The following FAM53B variants were observed in gnomAD, a reference collection of about 807,000 sequenced individuals.
FAM53B encodes the protein family with sequence similarity 53 member B.
A neutral mutation model predicts 32.7 loss-of-function variants in FAM53B; 12 were observed. That is an observed-to-expected ratio of 0.37 (90% CI 0.24 to 0.59). FAM53B has a LOEUF of 0.59. FAM53B is among the 20% of genes least tolerant of loss of function. The probability of loss-of-function intolerance (pLI) is 0.72; values close to 1 mark genes in which losing one functional copy is unlikely to be tolerated. For missense variants in FAM53B, 477 were observed against 577.7 expected (o/e 0.83, Z 1.79); for synonymous variants, 234 against 228.7 (o/e 1.02, Z -0.21).
chr10:124,741,408 G>A (rs1307064717), intron 1 of FAM53B, among the ~76,000 whole-genome samples: 1 of 152,224 alleles, frequency 6.6e-6, no homozygotes, highest in African/African-American at 2.4e-5. Flanking sequence ...AGTCTTCAGG[G>A]CCCAAGGCAT....
chr10:124,743,536 T>G (rs1479032662), intron 1 of FAM53B, among the ~76,000 whole-genome samples: 2 of 152,046 alleles, frequency 1.3e-5, no homozygotes, highest in Non-Finnish European at 2.9e-5. Context: ...GGTGCAAACT[T>G]CCGCGAACAA....
intron 4 of FAM53B, among the ~76,000 whole-genome samples, chr10:124,659,437 G>A (rs1358677895): frequency 2.0e-5 from 3 of 152,208 alleles, no homozygotes; most frequent in African/African-American, 7.2e-5. Flanking sequence ...AGTGGTCTTG[G>A]TTACAGTAAG....
intron 1 of FAM53B, among the ~76,000 whole-genome samples, chr10:124,735,507 G>A (rs1950168097): frequency 6.6e-6 from 1 of 152,198 alleles, no homozygotes. Context: ...TCTGAGAGAG[G>A]AAGATGCTGG....
chr10:124,733,191 C>T lies in FAM53B; in HGVS notation c.-175+10822G>A, dbSNP rs1043880186. On this transcript the variant is annotated intron_variant, in intron 1 of 4. Transcript: ENST00000337318. This position sits in a 1 kb window ranked among gnomAD's most constrained non-coding sequence, Gnocchi z 4.3. ...CTACCAGCCTTGGAAAACACACCCC[C>T]CAAAGCTAAGATGGGCTGCTAACTG... Among the ~76,000 whole-genome samples the T allele has an allele frequency of 1.3e-4, 20 of 152,334 alleles. No homozygotes were observed. The highest frequency in any genetic ancestry group is 4.8e-4 in the African/African-American group (20 of 41,582).
intron 4 of FAM53B, among the ~76,000 whole-genome samples, chr10:124,657,315 C>G (rs1472276679): frequency 1.3e-5 from 2 of 151,842 alleles, no homozygotes; most frequent in African/African-American, 4.8e-5. Context: ...TTTCTTTCCC[C>G]TTTTTAAAGC....
chr10:124,706,803 T>C lies in FAM53B; in HGVS notation c.-90A>G, dbSNP rs533926560. 9.7e-5 allele frequency: 155 copies of C among 1,594,840 alleles called. No individual in the cohort carries two copies. Among genetic ancestry groups the C allele is most frequent in the East Asian group, 5.6e-4 (25 of 44,338 alleles). On this transcript the variant is annotated 5_prime_UTR_variant, in exon 2 of 5. Transcript: ENST00000337318. ...CTTGGGGTGAGTACCTCCTGGGGAA[T>C]TGATGTCAGCAGAAACAGCTCCCCA...
intron 1 of FAM53B, among the ~76,000 whole-genome samples, chr10:124,727,782 C>T (rs1377994542): frequency 6.6e-6 from 1 of 152,072 alleles, no homozygotes; most frequent in Non-Finnish European, 1.5e-5. Context: ...CCTGGCCCAC[C>T]GTGGACGGCT....
In FAM53B at chr10:124,662,461, CCCATCCATCCATCCAT is replaced by C. The variant is rs79363634; in HGVS notation, c.906+19130_906+19145del. Among the ~76,000 whole-genome samples, 636 of 119,884 alleles carry C rather than the reference CCCATCCATCCATCCAT, an allele frequency of 5.3e-3. 13 individuals carry two copies. Among genetic ancestry groups the C allele is most frequent in the African/African-American group, 0.012 (422 of 34,676 alleles). 78.6% of individuals were successfully genotyped at this position (119,884 alleles called of 152,430 possible). A position where few individuals can be genotyped will look rare whatever the true frequency, so the allele number is the denominator to read the frequency against. On this transcript the variant is annotated intron_variant, in intron 4 of 4. Transcript: ENST00000337318. ...ATCCACCCACCCACACACCCACCCA[CCCATCCATCCATCCAT>C]CCATCCATCCATCCATCCATCCATC...
intron 3 of FAM53B, among the ~76,000 whole-genome samples, chr10:124,683,034 T>TAA (rs1443939053): frequency 2.0e-5 from 3 of 152,226 alleles, no homozygotes; most frequent in African/African-American, 7.2e-5. Context: ...TCACAGCACT[T>TAA]TCTCTGTGTT....
At chr10:124,677,065 T>TG (rs1474249482) in intron 4 of FAM53B, among the ~76,000 whole-genome samples, 2 of 152,190 alleles carry the variant, frequency 1.3e-5, no homozygotes, top group South Asian at 2.1e-4. Flanking sequence ...CTGACCAGCT[T>TG]GGAGTTAAAA....
At chr10:124,728,380 A>G (rs931332886) in intron 1 of FAM53B, among the ~76,000 whole-genome samples, 1 of 152,212 alleles carries the variant, frequency 6.6e-6, no homozygotes, top group Admixed American at 6.5e-5. Context: ...CATTATCTGA[A>G]GTACAGCAGA....
At chr10:124,699,904 T>C (rs1264662825) in intron 2 of FAM53B, among the ~76,000 whole-genome samples, 1 of 152,208 alleles carries the variant, frequency 6.6e-6, no homozygotes, top group Non-Finnish European at 1.5e-5. Context: ...GAGGCCCGAC[T>C]GGCCCCCTCC....
chr10:124,660,199 C>T (rs553323748), intron 4 of FAM53B, among the ~76,000 whole-genome samples: 2 of 152,138 alleles, frequency 1.3e-5, no homozygotes, highest in South Asian at 2.1e-4. Context: ...CCATATGGAG[C>T]GGAAGAGCCC....
chr10:124,645,910 C>T (rs761365570), intron 4 of FAM53B, among the ~76,000 whole-genome samples: 14 of 152,214 alleles, frequency 9.2e-5, no homozygotes, highest in Admixed American at 6.5e-4. Context: ...CCCAGCTCCA[C>T]CCCACACTGC....
intron 4 of FAM53B, among the ~76,000 whole-genome samples, chr10:124,628,673 C>T (rs563266334): frequency 6.6e-6 from 1 of 152,354 alleles, no homozygotes; most frequent in Non-Finnish European, 1.5e-5. Flanking sequence ...TGAGTGTTGG[C>T]TCTGACAGTT....
chr10:124,734,188 C>T (rs1051765511), intron 1 of FAM53B, among the ~76,000 whole-genome samples: 1 of 152,226 alleles, frequency 6.6e-6, no homozygotes, highest in African/African-American at 2.4e-5. Flanking sequence ...GTGTCTAGCA[C>T]ATAGTAGAAC....
intron 4 of FAM53B, among the ~76,000 whole-genome samples, chr10:124,652,458 G>A (rs976144674): frequency 3.3e-5 from 5 of 152,098 alleles, no homozygotes; most frequent in South Asian, 2.1e-4. Flanking sequence ...GAAGGGGCCC[G>A]GCCCACAGCT....
intron 4 of FAM53B, among the ~76,000 whole-genome samples, chr10:124,628,605 G>A (rs1236735950): frequency 6.6e-6 from 1 of 152,206 alleles, no homozygotes; most frequent in Non-Finnish European, 1.5e-5. Context: ...GGAAAGCCAG[G>A]CTGCTGGTGT....
chr10:124,699,385 G>C (rs2134080244), intron 2 of FAM53B, among the ~76,000 whole-genome samples: 1 of 152,338 alleles, frequency 6.6e-6, no homozygotes, highest in African/African-American at 2.4e-5. Flanking sequence ...CTCACGCAAA[G>C]TCAAACCTCA....
Sources: gnomAD v4.1 joint callset for allele counts (sites outside exome capture counted in the v4.1 genomes callset) on GRCh38, gnomAD v4.1.1 for gene constraint, Gnocchi (gnomAD v3.1) non-coding constraint, MANE v1.5 for transcripts, NCBI Gene and HGNC (gene_info 2026-07-23, HGNC 2026-07-21) for gene names.